The following CCDC102B variants were observed in gnomAD, a reference collection of about 807,000 sequenced individuals.
The protein encoded by CCDC102B is coiled-coil domain-containing protein 102B.
In CCDC102B, 75 loss-of-function variants were observed where a neutral mutation model predicts 57.4. The ratio of observed to expected loss-of-function variants is 1.31; its 90% CI spans 1.08 to 1.58. CCDC102B has a LOEUF of 1.58. Among genes scored for constraint, CCDC102B ranks in the 40% most tolerant of loss-of-function variants. The pLI, the probability that CCDC102B is intolerant of heterozygous loss-of-function variation, is 0.00. For missense variants in CCDC102B, 636 were observed against 582.6 expected, an observed-to-expected ratio of 1.09 and a Z score of -0.94; for synonymous variants, 206 against 201.9, an observed-to-expected ratio of 1.02 and a Z score of -0.17.
At chr18:68,904,277 G>A (rs7241599) in intron 6 of CCDC102B, among the ~76,000 whole-genome samples, 137,108 of 152,172 alleles carry the variant, frequency 0.9, 61,842 homozygotes, top group Admixed American at 0.92. Flanking sequence ...TTGATATATG[G>A]AAAAGTTCAA....
chr18:68,812,270 A>C (rs2036295652), intron 1 of CCDC102B, among the ~76,000 whole-genome samples: 2 of 152,106 alleles, frequency 1.3e-5, no homozygotes. Context: ...ATTATGTTAA[A>C]GTATCCAATA....
chr18:69,051,841 A>G (rs1216941473), intron 7 of CCDC102B, among the ~76,000 whole-genome samples: 1 of 152,024 alleles, frequency 6.6e-6, no homozygotes, highest in African/African-American at 2.4e-5. Context: ...TAGGAAAAAA[A>G]TAAAATTGGG....
chr18:68,984,913 G>A (rs2050685537), intron 6 of CCDC102B, among the ~76,000 whole-genome samples: 1 of 152,092 alleles, frequency 6.6e-6, no homozygotes, highest in African/African-American at 2.4e-5. Context: ...TGGATGTAAA[G>A]ACCATCTAGA....
intron 1 of CCDC102B, among the ~76,000 whole-genome samples, chr18:68,810,696 T>A (rs1453033746): frequency 6.9e-5 from 10 of 145,082 alleles, no homozygotes; most frequent in African/African-American, 2.6e-4. Context: ...TTTTTTTTTT[T>A]TTTTTTTTTT....
At chr18:68,857,947 G>T (rs1482999774) in intron 4 of CCDC102B, among the ~76,000 whole-genome samples, 7 of 152,116 alleles carry the variant, frequency 4.6e-5, no homozygotes, top group Non-Finnish European at 1.0e-4. Flanking sequence ...GTGTACCTCA[G>T]TTTAAGGTAT....
At chr18:68,736,309 G>A (rs1212651430) in intron 2 of CCDC102B, among the ~76,000 whole-genome samples, 1 of 152,132 alleles carries the variant, frequency 6.6e-6, no homozygotes, top group Non-Finnish European at 1.5e-5. Flanking sequence ...AATGTTGCTT[G>A]CTCGTCAGAA....
chr18:68,797,213 T>C (rs574552998), upstream of CCDC102B, among the ~76,000 whole-genome samples: 77 of 152,212 alleles, frequency 5.1e-4, no homozygotes, highest in Middle Eastern at 3.4e-3. Context: ...TAGAGATAGA[T>C]GATAACACCG....
intron 1 of CCDC102B, among the ~76,000 whole-genome samples, chr18:68,827,328 A>G (rs1395328088): frequency 6.6e-6 from 1 of 152,106 alleles, no homozygotes; most frequent in Non-Finnish European, 1.5e-5. Context: ...GAAAATTATA[A>G]AATCATTTTA....
intron 2 of CCDC102B, among the ~76,000 whole-genome samples, chr18:68,749,850 C>T (rs2033776943): frequency 6.6e-6 from 1 of 152,076 alleles, no homozygotes; most frequent in Admixed American, 6.6e-5. Flanking sequence ...TAGGCAATAC[C>T]ATTCAGGACA....
At chr18:68,896,783 G>C (rs1231260600) in intron 5 of CCDC102B, among the ~76,000 whole-genome samples, 1 of 151,856 alleles carries the variant, frequency 6.6e-6, no homozygotes, top group Non-Finnish European at 1.5e-5. Flanking sequence ...GAGAGATAGA[G>C]ATAGAGAGAT....
intron 1 of CCDC102B, among the ~76,000 whole-genome samples, chr18:68,816,367 A>G (rs937453021): frequency 6.6e-6 from 1 of 151,610 alleles, no homozygotes; most frequent in Admixed American, 6.6e-5. Flanking sequence ...GTTTAAACTG[A>G]GTCTGGGAAA....
At chr18:69,046,312 A>G (rs1297701751) in intron 7 of CCDC102B, among the ~76,000 whole-genome samples, 1 of 152,230 alleles carries the variant, frequency 6.6e-6, no homozygotes, top group Non-Finnish European at 1.5e-5. Flanking sequence ...ATAAGATGGT[A>G]TCTCATTGTG....
chr18:69,014,611 C>T (rs939485592), intron 7 of CCDC102B, among the ~76,000 whole-genome samples: 18 of 149,656 alleles, frequency 1.2e-4, no homozygotes, highest in African/African-American at 3.2e-4. Context: ...GTTGGGGGGG[C>T]GGGGTGGTAC....
chr18:68,920,779 A>G (rs1036611962), intron 6 of CCDC102B, among the ~76,000 whole-genome samples: 1 of 151,966 alleles, frequency 6.6e-6, no homozygotes, highest in Non-Finnish European at 1.5e-5. Flanking sequence ...AAAATCATGA[A>G]CTCACTCAGT....
At position 68,836,964 on chromosome 18, in the gene CCDC102B, G is replaced by T. The variant is rs1350341609; in HGVS notation, c.201G>T (p.Trp67Cys). 1.2e-6 allele frequency: 2 copies of T among 1,613,932 alleles called. No homozygotes were observed. Among genetic ancestry groups the T allele is most frequent in the African/African-American group, 1.3e-5 (1 of 74,878 alleles). Residue 67 changes from tryptophan to cysteine, a missense_variant, in exon 2 of 8, where the codon TGG becomes TGT. Physicochemically the swap from Trp to Cys is radical, Grantham distance 215. Coordinates refer to ENST00000360242, the MANE Select transcript of CCDC102B (RefSeq NM_024781.3). ...FCAHSYNTNK[W>C]DICEELRLRE... ...CTCACTCATATAACACCAACAAATG[G>T]GATATTTGTGAAGAACTTCGCCTGC... is the stretch of plus-strand genomic sequence containing the variant.
At chr18:68,863,327 T>A (rs535361095) in intron 4 of CCDC102B, among the ~76,000 whole-genome samples, 1 of 151,946 alleles carries the variant, frequency 6.6e-6, no homozygotes, top group Non-Finnish European at 1.5e-5. Context: ...CCTCTGTGTC[T>A]CCTACAAAAT....
intron 2 of CCDC102B, among the ~76,000 whole-genome samples, chr18:68,755,594 C>G (rs953966666): frequency 1.2e-4 from 19 of 152,032 alleles, no homozygotes; most frequent in Middle Eastern, 3.4e-3. Flanking sequence ...TTTTGCTTAA[C>G]TTGGAATGAA....
intron 2 of CCDC102B, among the ~76,000 whole-genome samples, chr18:68,756,457 G>A (rs559976547): frequency 3.9e-5 from 6 of 152,176 alleles, no homozygotes; most frequent in Admixed American, 3.9e-4. Context: ...TACTAAATTT[G>A]CATACTTCAA....
intron 4 of CCDC102B, among the ~76,000 whole-genome samples, chr18:68,861,664 C>A (rs1314158700): frequency 2.0e-5 from 3 of 152,088 alleles, no homozygotes; most frequent in African/African-American, 7.2e-5. Flanking sequence ...TTGTGTGAAT[C>A]CTAGAGGTTG....
Sources: gnomAD v4.1 joint callset for allele counts (sites outside exome capture counted in the v4.1 genomes callset) on GRCh38, gnomAD v4.1.1 for gene constraint, MANE v1.5 for transcripts, NCBI Gene and HGNC (gene_info 2026-07-23, HGNC 2026-07-21) for gene names.